The following SLC25A13 variants were observed in gnomAD, a reference collection of about 807,000 sequenced individuals.
The protein encoded by SLC25A13 is solute carrier family 25 member 13, also known as electrogenic aspartate/glutamate antiporter SLC25A13, mitochondrial.
Under a neutral mutation model 85.5 loss-of-function variants are expected in SLC25A13, and 70 were observed. The ratio of observed to expected loss-of-function variants is 0.82; its 90% CI spans 0.68 to 1.00. The LOEUF (loss-of-function observed/expected upper bound fraction) is 1.00, where lower values mean the gene tolerates loss of function less well. Among genes scored for constraint, SLC25A13 ranks in the 50% least tolerant of loss-of-function variants. The pLI, the probability that SLC25A13 is intolerant of heterozygous loss-of-function variation, is 0.00. For missense variants in SLC25A13, 765 were observed against 819.8 expected, an observed-to-expected ratio of 0.93 and a Z score of 0.82; for synonymous variants, 259 against 288.7, an observed-to-expected ratio of 0.90 and a Z score of 1.04.
intron 4 of SLC25A13, among the ~76,000 whole-genome samples, chr7:96,228,554 G>A (rs1247265309): frequency 6.6e-6 from 1 of 152,238 alleles, no homozygotes; most frequent in East Asian, 1.9e-4. Context: ...GTGACAATGT[G>A]CTGGCAGTCC....
chr7:96,238,725 T>C (rs192402984), intron 3 of SLC25A13, among the ~76,000 whole-genome samples: 3 of 152,076 alleles, frequency 2.0e-5, no homozygotes, highest in Non-Finnish European at 4.4e-5. Context: ...CCAACCCTGC[T>C]GAGCAGGCAC....
At chr7:96,221,551 C>T (rs1486524010) in intron 4 of SLC25A13, among the ~76,000 whole-genome samples, 4 of 152,270 alleles carry the variant, frequency 2.6e-5, no homozygotes, top group Non-Finnish European at 5.9e-5. Flanking sequence ...ATTTCATTTT[C>T]GAAGTGTCTT....
At chr7:96,314,305 C>G (rs577894357) in intron 1 of SLC25A13, among the ~76,000 whole-genome samples, 2 of 152,006 alleles carry the variant, frequency 1.3e-5, no homozygotes, top group East Asian at 3.9e-4. Context: ...GAAATGAGGA[C>G]AAGCCAACAG....
In SLC25A13 at chr7:96,322,073, A is replaced by T. The variant is rs1800381286; in HGVS notation, c.-117T>A. The stretch of plus-strand genomic sequence containing the variant: ...CGGCGGTGGGGGCGGCGATACGGCC[A>T]GGCAGCGTGCGTTCCTGGCCTGCCT... On this transcript the variant is annotated 5_prime_UTR_variant, in exon 1 of 18. Coordinates refer to ENST00000265631, the MANE Select transcript of SLC25A13 (RefSeq NM_014251.3). 6.4e-6 allele frequency: 9 copies of T among 1,396,946 alleles called. No homozygotes were observed. In the South Asian group the frequency reaches 1.1e-4, roughly 18 times the overall value. 86.5% of individuals were successfully genotyped at this position (1,396,946 alleles called of 1,614,324 possible).
chr7:96,199,602 C>G (rs1172454211), intron 5 of SLC25A13, among the ~76,000 whole-genome samples: 1 of 152,178 alleles, frequency 6.6e-6, no homozygotes, highest in Non-Finnish European at 1.5e-5. Flanking sequence ...GCAGCTATCT[C>G]TAAGGCAGTT....
intron 4 of SLC25A13, among the ~76,000 whole-genome samples, chr7:96,229,266 C>T (rs1237855586): frequency 6.6e-6 from 1 of 152,172 alleles, no homozygotes; most frequent in Non-Finnish European, 1.5e-5. Flanking sequence ...CTGATGGGCA[C>T]TTGGAGAACT....
chr7:96,248,794 T>C (rs559100649), intron 3 of SLC25A13, among the ~76,000 whole-genome samples: 2 of 152,292 alleles, frequency 1.3e-5, no homozygotes, highest in Admixed American at 6.5e-5. Flanking sequence ...CAAGGATAAA[T>C]AAATCTTTAA....
chr7:96,197,279 G>A (rs1795098801), intron 5 of SLC25A13, among the ~76,000 whole-genome samples: 1 of 152,104 alleles, frequency 6.6e-6, no homozygotes, highest in African/African-American at 2.4e-5. Context: ...CTATTTTTGT[G>A]GAAAAATAAT....
At chr7:96,263,816 T>C (rs985657104) in intron 3 of SLC25A13, among the ~76,000 whole-genome samples, 18 of 152,146 alleles carry the variant, frequency 1.2e-4, no homozygotes, top group African/African-American at 4.3e-4. Flanking sequence ...CTCACTCCCA[T>C]GGTCACACTC....
intron 3 of SLC25A13, among the ~76,000 whole-genome samples, chr7:96,256,151 G>C (rs996032547): frequency 6.6e-6 from 1 of 152,122 alleles, no homozygotes; most frequent in Non-Finnish European, 1.5e-5. Context: ...TCGACACTAT[G>C]AAGAAACTGC....
chr7:96,157,778 G>T (rs1273262754), intron 13 of SLC25A13, among the ~76,000 whole-genome samples: 1 of 151,550 alleles, frequency 6.6e-6, no homozygotes, highest in Non-Finnish European at 1.5e-5. Flanking sequence ...TCCAGCCTGG[G>T]CGACAGAACA....
chr7:96,242,813 T>C (rs1407120187), intron 3 of SLC25A13, among the ~76,000 whole-genome samples: 3 of 152,218 alleles, frequency 2.0e-5, no homozygotes, highest in Admixed American at 6.5e-5. Flanking sequence ...TAAATGTAAT[T>C]GATTGAAATC....
chr7:96,208,973 A>T lies in SLC25A13; in HGVS notation c.333T>A (p.Asp111Glu), dbSNP rs1349801909. The change falls in exon 5 of 18, where the codon GAT becomes GAA. Residue 111 changes from aspartate to glutamate, a missense_variant. Asp to Glu is a conservative substitution (Grantham distance 45, BLOSUM62 2). Coordinates refer to ENST00000265631, the MANE Select transcript of SLC25A13 (RefSeq NM_014251.3). ...KAGKGEVTFE[D>E]VKQVFGQTTI... The stretch of plus-strand genomic sequence containing the variant: ...TGGTCTGTCCAAAAACTTGCTTAAC[A>T]TCCTCTGAAAAGAGAAAAGACAGGT... The T allele has an allele frequency of 6.2e-7, 1 of 1,614,068 alleles. No individual in the cohort carries two copies. The highest frequency in any genetic ancestry group is 8.5e-7 in the Non-Finnish European group (1 of 1,179,954).
intron 1 of SLC25A13, among the ~76,000 whole-genome samples, chr7:96,301,314 AT>A (rs1444089910): frequency 3.9e-5 from 6 of 152,048 alleles, no homozygotes; most frequent in East Asian, 3.8e-4. Context: ...TCACTGTTAC[AT>A]TTTTTTCTCA....
chr7:96,289,570 T>A (rs757486627), intron 2 of SLC25A13, among the ~76,000 whole-genome samples: 1 of 152,118 alleles, frequency 6.6e-6, no homozygotes, highest in African/African-American at 2.4e-5. Context: ...TTAAATGACC[T>A]GATGGAGCTG....
chr7:96,276,083 G>A (rs760555984), intron 3 of SLC25A13, among the ~76,000 whole-genome samples: 20 of 152,308 alleles, frequency 1.3e-4, no homozygotes, highest in Admixed American at 3.3e-4. Flanking sequence ...ATAGGTAACT[G>A]CAATCTGTCA....
intron 2 of SLC25A13, among the ~76,000 whole-genome samples, chr7:96,294,744 C>G (rs1366219626): frequency 1.3e-5 from 2 of 152,204 alleles, no homozygotes; most frequent in African/African-American, 2.4e-5. Context: ...GTGGCACATT[C>G]ATAGCTCACT....
chr7:96,182,955 CG>C (rs1794476073), intron 11 of SLC25A13, among the ~76,000 whole-genome samples: 1 of 152,164 alleles, frequency 6.6e-6, no homozygotes, highest in African/African-American at 2.4e-5. Flanking sequence ...ACAGGTAAGG[CG>C]GCCAATTTTG....
chr7:96,221,955 C>T (rs1159923878), intron 4 of SLC25A13, among the ~76,000 whole-genome samples: 4 of 152,172 alleles, frequency 2.6e-5, no homozygotes, highest in Non-Finnish European at 2.9e-5. Context: ...GCTTAGAAAT[C>T]GCCCCGGTTC....
Sources: gnomAD v4.1 joint callset for allele counts (sites outside exome capture counted in the v4.1 genomes callset) on GRCh38, gnomAD v4.1.1 for gene constraint, MANE v1.5 for transcripts, NCBI Gene and HGNC (gene_info 2026-07-23, HGNC 2026-07-21) for gene names.